GRIK4: variants seen among roughly 807,000 people sequenced by gnomAD.
The protein encoded by GRIK4 is glutamate receptor ionotropic, kainate 4.
Under a neutral mutation model 104.9 loss-of-function variants are expected in GRIK4, and 40 were observed. That is an observed-to-expected ratio of 0.38 (90% confidence interval 0.30 to 0.50). The LOEUF (loss-of-function observed/expected upper bound fraction) is 0.50, where lower values mean the gene tolerates loss of function less well. GRIK4 is among the 20% of genes least tolerant of loss of function. The pLI, the probability that GRIK4 is intolerant of heterozygous loss-of-function variation, is 0.93. For synonymous variants in GRIK4, 485 were observed against 524.9 expected (o/e 0.92, Z 1.04); for missense variants, 1,047 against 1,308.1 (o/e 0.80, Z 3.08).
chr11:120,705,330 G>A (rs11217981), intron 3 of GRIK4, among the ~76,000 whole-genome samples: 36,016 of 151,410 alleles, frequency 0.24, 6,254 homozygotes, highest in African/African-American at 0.49. Flanking sequence ...GGTTCAGGCA[G>A]TTTTTCTGCC....
intron 1 of GRIK4, among the ~76,000 whole-genome samples, chr11:120,581,023 A>C (rs1014242406): frequency 6.6e-6 from 1 of 152,214 alleles, no homozygotes; most frequent in Admixed American, 6.5e-5. Context: ...CTAGCGACTT[A>C]AGATGTGTCT....
Position 120,875,188 on chromosome 11 carries a change from A to G in GRIK4, c.1109A>G (p.Gln370Arg). 1 of 1,613,818 alleles carries G rather than the reference A, an allele frequency of 6.2e-7. No homozygotes were observed. The highest frequency in any genetic ancestry group is 8.5e-7 in the Non-Finnish European group (1 of 1,179,682). The change falls in exon 11 of 21, where the codon CAG (glutamine) becomes CGG (arginine). Residue 370 changes from glutamine to arginine, a missense_variant. This residue lies in a region of GRIK4 where 447 missense variants were observed against 514.9 expected (regional missense o/e 0.87). Transcript: ENST00000527524. ...CACATTGAATTCAACAGCAAAGGCC[A>G]GAGGTCCAACTACGCTTTGAAAATC... Reference protein sequence around the residue: ...TGHIEFNSKGQRSNYALKILQ... With the variant: ...TGHIEFNSKGRRSNYALKILQ...
At chr11:120,721,729 T>A (rs1024829631) in intron 3 of GRIK4, among the ~76,000 whole-genome samples, 1 of 152,166 alleles carries the variant, frequency 6.6e-6, no homozygotes, top group African/African-American at 2.4e-5. Context: ...AGTTGGGCTA[T>A]AGGCTCTGGA....
intron 8 of GRIK4, among the ~76,000 whole-genome samples, chr11:120,842,611 A>G (rs1953745148): frequency 6.6e-6 from 1 of 152,232 alleles, no homozygotes. Context: ...ACTGATCCTA[A>G]AAGTGGAAAT....
chr11:120,815,244 T>G (rs987423059), intron 4 of GRIK4, 134 bp from the exon 5 acceptor site: 2 of 605,596 alleles, frequency 3.3e-6, no homozygotes, highest in African/African-American at 1.9e-5. Context: ...TTTCGAAGGG[T>G]TGGAGCAGGG....
At chr11:120,694,375 T>C (rs1419162459) in intron 3 of GRIK4, among the ~76,000 whole-genome samples, 1 of 152,154 alleles carries the variant, frequency 6.6e-6, no homozygotes, top group East Asian at 1.9e-4. Context: ...AATGAGATGA[T>C]CAGAACAGAT....
intron 12 of GRIK4, among the ~76,000 whole-genome samples, chr11:120,901,934 A>G (rs1047359030): frequency 1.3e-5 from 2 of 152,170 alleles, no homozygotes; most frequent in African/African-American, 4.8e-5. Flanking sequence ...ATTTAACAAC[A>G]TGGTAAGTAC....
At position 120,743,237 on chromosome 11, in the gene GRIK4, A is replaced by G. The variant is rs920743860; in HGVS notation, c.83-59456A>G. ...AGAGCAAGACTCTGTCTCAGAGAAA[A>G]AAAAAAAAAAAAGAATGAGATTATG... On this transcript the variant is annotated intron_variant, in intron 3 of 20. Coordinates refer to ENST00000527524, the MANE Select transcript of GRIK4 (RefSeq NM_014619.5). Among the ~76,000 whole-genome samples the G allele has an allele frequency of 3.3e-5, 5 of 152,126 alleles. No homozygotes were observed. In the South Asian group the frequency reaches 1.0e-3, roughly 32 times the overall value.
chr11:120,587,779 G>C (rs769540745), intron 1 of GRIK4, among the ~76,000 whole-genome samples: 1 of 152,194 alleles, frequency 6.6e-6, no homozygotes, highest in Non-Finnish European at 1.5e-5. Flanking sequence ...CCAGGTACCA[G>C]TCAGCTCTGG....
Position 120,844,157 on chromosome 11 carries a change from G to A in GRIK4, c.744+7313G>A, listed in dbSNP as rs538232019. Reference sequence around the variant, plus strand: ...AAAGGGGACCCAGGGCAGACAGAGAGGGAAAAAATAATTGATTCCAGGAGG... The same window carrying A: ...AAAGGGGACCCAGGGCAGACAGAGAAGGAAAAAATAATTGATTCCAGGAGG... On this transcript the variant is annotated intron_variant, in intron 8 of 20. Coordinates refer to ENST00000527524, the MANE Select transcript of GRIK4 (RefSeq NM_014619.5). Among the ~76,000 whole-genome samples the A allele has an allele frequency of 2.6e-5, 4 of 152,222 alleles. No individual in the cohort carries two copies. In the South Asian group the frequency reaches 8.3e-4, roughly 32 times the overall value.
At chr11:120,896,888 T>C (rs1171572117) in intron 11 of GRIK4, among the ~76,000 whole-genome samples, 1 of 152,212 alleles carries the variant, frequency 6.6e-6, no homozygotes, top group Non-Finnish European at 1.5e-5. Flanking sequence ...ATTGCGTTTT[T>C]AGCCAGTCGT....
intron 1 of GRIK4, among the ~76,000 whole-genome samples, chr11:120,562,440 G>A (rs1948250490): frequency 6.6e-6 from 1 of 152,204 alleles, no homozygotes; most frequent in Non-Finnish European, 1.5e-5. Context: ...GCAGGGAGCT[G>A]GGGAGGGCTT....
At chr11:120,609,733 C>T (rs563393241) in intron 1 of GRIK4, among the ~76,000 whole-genome samples, 4 of 151,900 alleles carry the variant, frequency 2.6e-5, no homozygotes, top group African/African-American at 4.8e-5. Context: ...AGGCTGGTCT[C>T]GAACTCCTGA....
intron 1 of GRIK4, among the ~76,000 whole-genome samples, chr11:120,633,410 C>T (rs187365077): frequency 3.3e-5 from 5 of 152,104 alleles, no homozygotes; most frequent in South Asian, 2.1e-4. Flanking sequence ...CCCTCTTAAT[C>T]GCTGCCCATG....
intron 3 of GRIK4, among the ~76,000 whole-genome samples, chr11:120,760,373 A>G (rs1026545091): frequency 6.8e-6 from 1 of 148,062 alleles, no homozygotes; most frequent in Non-Finnish European, 1.5e-5. Context: ...TATTTTATAT[A>G]TATATAAACA....
chr11:120,551,667 A>T (rs1232627121), intron 1 of GRIK4, among the ~76,000 whole-genome samples: 1 of 151,830 alleles, frequency 6.6e-6, no homozygotes, highest in Non-Finnish European at 1.5e-5. Context: ...TTTAGTCCCA[A>T]CTGCTCGGGA....
At chr11:120,712,126 T>G (rs894051508) in intron 3 of GRIK4, among the ~76,000 whole-genome samples, 4 of 152,102 alleles carry the variant, frequency 2.6e-5, no homozygotes, top group Non-Finnish European at 5.9e-5. Flanking sequence ...TAAAGTAAGG[T>G]GAATACTCCA....
At chr11:120,728,900 C>T (rs1259563286) in intron 3 of GRIK4, among the ~76,000 whole-genome samples, 4 of 152,190 alleles carry the variant, frequency 2.6e-5, no homozygotes, top group African/African-American at 9.7e-5. Context: ...TCCCCACTTT[C>T]TCCCCACTTC....
At chr11:120,533,125 A>C (rs1321303700) in intron 1 of GRIK4, among the ~76,000 whole-genome samples, 1 of 152,198 alleles carries the variant, frequency 6.6e-6, no homozygotes, top group Non-Finnish European at 1.5e-5. Context: ...GAGGAGGAGT[A>C]ACCTGCACTG....
Sources: gnomAD v4.1 joint callset for allele counts (sites outside exome capture counted in the v4.1 genomes callset) on GRCh38, gnomAD v4.1.1 for gene constraint, gnomAD v4.1.1 regional missense constraint, MANE v1.5 for transcripts, NCBI Gene and HGNC (gene_info 2026-07-23, HGNC 2026-07-21) for gene names.